The following PTPRD variants were observed in gnomAD, a reference collection of about 807,000 sequenced individuals.
The protein encoded by PTPRD is receptor-type tyrosine-protein phosphatase delta.
A neutral mutation model predicts 214.5 loss-of-function variants in PTPRD; 34 were observed. The ratio of observed to expected loss-of-function variants is 0.16; its 90% CI spans 0.12 to 0.21. PTPRD has a LOEUF of 0.21. Ranked by LOEUF, PTPRD falls within the 10% of genes least tolerant of loss-of-function variation. The pLI is 1.00. For missense variants in PTPRD, 2,545 were observed against 2,398.7 expected (o/e 1.06, Z -1.27); for synonymous variants, 1,128 against 845.7 (o/e 1.33, Z -5.79).
At chr9:9,900,644 T>TTTTTTTTTGTTTTTTTG (rs369510362) in intron 5 of PTPRD, among the ~76,000 whole-genome samples, 2 of 143,860 alleles carry the variant, frequency 1.4e-5, no homozygotes, top group Non-Finnish European at 3.0e-5. Context: ...TTTTCAGGTT[T>TTTTTTTTTGTTTTTTTG]TTTTTTTTTT....
chr9:9,613,135 C>CATATATAT lies in PTPRD; in HGVS notation c.-286-38362_-286-38355dup, dbSNP rs67735335. 9.0e-3 allele frequency among the ~76,000 whole-genome samples: 431 copies of CATATATAT among 47,664 alleles called. 23 individuals carry two copies. The highest frequency in any genetic ancestry group is 0.03 in the African/African-American group (343 of 11,374). 31.3% of individuals were successfully genotyped at this position (47,664 alleles called of 152,430 possible). A position where few individuals can be genotyped will look rare whatever the true frequency, so the allele number is the denominator to read the frequency against. On this transcript the variant is annotated intron_variant, in intron 7 of 45. Transcript: ENST00000381196. ...AGCTAGGCTGCAGTATACATACATA[C>CATATATAT]ATATATATATATATATATATATATA...
intron 10 of PTPRD, among the ~76,000 whole-genome samples, chr9:9,023,142 C>T (rs574437202): frequency 2.0e-5 from 3 of 152,200 alleles, no homozygotes; most frequent in Middle Eastern, 3.4e-3. Flanking sequence ...CACACAAATG[C>T]TTTGTACAGT....
At chr9:9,169,742 G>A (rs142737640) in intron 10 of PTPRD, among the ~76,000 whole-genome samples, 41 of 152,218 alleles carry the variant, frequency 2.7e-4, no homozygotes, top group African/African-American at 9.6e-4. Context: ...GGAAATTTCA[G>A]GTTAAACACA....
intron 7 of PTPRD, among the ~76,000 whole-genome samples, chr9:9,610,996 T>C (rs1001243397): frequency 1.3e-5 from 2 of 152,214 alleles, no homozygotes; most frequent in African/African-American, 4.8e-5. Flanking sequence ...ATTGATTGAA[T>C]ATGTAATTTC....
At chr9:8,445,651 G>C (rs79074367) in intron 34 of PTPRD, among the ~76,000 whole-genome samples, 9,751 of 152,082 alleles carry the variant, frequency 0.064, 344 homozygotes, top group East Asian at 0.094. Flanking sequence ...TGTTTATCCT[G>C]AATCTAGTCC....
rs576185055 is a variant in PTPRD, at chr9:9,725,055, G to A, written c.-287+9478C>T. Among the ~76,000 whole-genome samples, 7 of 152,264 alleles carry A rather than the reference G, an allele frequency of 4.6e-5. No individual in the cohort carries two copies. In the South Asian group the frequency reaches 1.5e-3, roughly 32 times the overall value. On this transcript the variant is annotated intron_variant, in intron 7 of 45. Transcript: ENST00000381196. ...GAAGATTTCAGACTGCATAAGTGGGGAGAGCTGGTAAAATATCTGGGGTAG... is the reference window on the plus strand; with the variant it reads ...GAAGATTTCAGACTGCATAAGTGGGAAGAGCTGGTAAAATATCTGGGGTAG...
chr9:9,269,891 C>T (rs1364674769), intron 9 of PTPRD, among the ~76,000 whole-genome samples: 1 of 151,030 alleles, frequency 6.6e-6, no homozygotes, highest in African/African-American at 2.4e-5. Flanking sequence ...TCAAAGGGTA[C>T]AAACTTTCAG....
intron 11 of PTPRD, among the ~76,000 whole-genome samples, chr9:8,768,477 C>A (rs2094936481): frequency 6.6e-6 from 1 of 152,054 alleles, no homozygotes; most frequent in South Asian, 2.1e-4. Context: ...TCTCTTGAGC[C>A]CAGAGGAGGA....
chr9:8,866,751 T>C (rs1000226237), intron 11 of PTPRD, among the ~76,000 whole-genome samples: 5 of 148,422 alleles, frequency 3.4e-5, no homozygotes, highest in Admixed American at 1.4e-4. Flanking sequence ...TGAATACTTA[T>C]CTATCCGTTA....
chr9:8,937,835 C>G (rs191357376), intron 11 of PTPRD, among the ~76,000 whole-genome samples: 1 of 152,118 alleles, frequency 6.6e-6, no homozygotes, highest in African/African-American at 2.4e-5. Context: ...AATCTTGTGG[C>G]TACATTTTGT....
At chr9:9,301,196 T>C (rs1012053682) in intron 9 of PTPRD, among the ~76,000 whole-genome samples, 1 of 151,912 alleles carries the variant, frequency 6.6e-6, no homozygotes, top group African/African-American at 2.4e-5. Flanking sequence ...AGAACTATGT[T>C]AAAGTTTTTT....
chr9:10,348,076 T>C (rs2097120427), intron 2 of PTPRD, among the ~76,000 whole-genome samples: 1 of 152,072 alleles, frequency 6.6e-6, no homozygotes, highest in Non-Finnish European at 1.5e-5. Context: ...AAATGTACAA[T>C]AGATTCTTGT....
At chr9:8,986,641 A>G (rs971511334) in intron 11 of PTPRD, among the ~76,000 whole-genome samples, 2 of 152,096 alleles carry the variant, frequency 1.3e-5, no homozygotes, top group Non-Finnish European at 2.9e-5. Context: ...TTTAGCCCTC[A>G]TAAATAATTG....
intron 3 of PTPRD, among the ~76,000 whole-genome samples, chr9:10,156,604 G>A (rs181742619): frequency 6.6e-6 from 1 of 152,262 alleles, no homozygotes; most frequent in African/African-American, 2.4e-5. Context: ...AGAACAGTGT[G>A]TATTCTTGTT....
intron 3 of PTPRD, among the ~76,000 whole-genome samples, chr9:10,318,893 A>G (rs1392679155): frequency 1.3e-5 from 2 of 152,084 alleles, no homozygotes; most frequent in East Asian, 3.9e-4. Flanking sequence ...TCTGCCTAGT[A>G]TGGTGATTCT....
chr9:9,569,387 C>T (rs998543038), intron 8 of PTPRD, among the ~76,000 whole-genome samples: 6 of 151,642 alleles, frequency 4.0e-5, no homozygotes, highest in African/African-American at 1.2e-4. Context: ...AGATTTGTAT[C>T]ATGTGATAAC....
intron 14 of PTPRD, among the ~76,000 whole-genome samples, chr9:8,621,907 A>G (rs1434615685): frequency 2.0e-5 from 3 of 151,994 alleles, no homozygotes; most frequent in Non-Finnish European, 4.4e-5. Context: ...GTTTTGGAGT[A>G]CAGTATATGC....
intron 5 of PTPRD, among the ~76,000 whole-genome samples, chr9:9,920,758 A>G (rs969931160): frequency 6.6e-6 from 1 of 152,160 alleles, no homozygotes; most frequent in Non-Finnish European, 1.5e-5. Context: ...TGCTTTTAAC[A>G]TATCAGAATT....
chr9:9,328,325 A>G (rs1242581631), intron 9 of PTPRD, among the ~76,000 whole-genome samples: 3 of 152,266 alleles, frequency 2.0e-5, no homozygotes, highest in East Asian at 3.9e-4. Flanking sequence ...AGTATGTGGT[A>G]TGTCACTTAC....
Sources: allele counts gnomAD v4.1 joint callset (sites outside exome capture counted in the v4.1 genomes callset), GRCh38; gene constraint gnomAD v4.1.1; transcripts MANE v1.5; gene names NCBI Gene and HGNC (gene_info 2026-07-23, HGNC 2026-07-21).